ZMYM6: variants seen among roughly 807,000 people sequenced by gnomAD.
The protein encoded by ZMYM6 is zinc finger MYM-type containing 6, also known as zinc finger MYM-type protein 6.
ZMYM6 carries 90 observed loss-of-function variants against 134.0 expected under a neutral mutation model. The observed-to-expected ratio is 0.67, with a 90% CI of 0.57 to 0.80. The LOEUF (loss-of-function observed/expected upper bound fraction) is 0.80. Among genes scored for constraint, ZMYM6 ranks in the 30% least tolerant of loss-of-function variants. The probability of loss-of-function intolerance (pLI) is 0.00; values close to 1 mark genes in which losing one functional copy is unlikely to be tolerated. For synonymous variants in ZMYM6, 481 were observed against 524.1 expected (o/e 0.92, Z 1.12); for missense variants, 1,362 against 1,533.9 (o/e 0.89, Z 1.87).
At position 34,992,229 on chromosome 1, in the gene ZMYM6, C is replaced by T. The variant is rs766933306; in HGVS notation, c.2146+5G>A. The stretch of plus-strand genomic sequence containing the variant: ...TTGTACATGGGAACGCACAAGGATA[C>T]ATACCTGTCTGACATTCTTTGTGCT... On this transcript the variant is annotated splice_donor_5th_base_variant and intron_variant, in intron 15 of 15. Coordinates refer to ENST00000357182, the MANE Select transcript of ZMYM6 (RefSeq NM_007167.4). 1 of 1,613,886 alleles carries T rather than the reference C, an allele frequency of 6.2e-7. No homozygotes were observed. The highest frequency in any genetic ancestry group is 8.5e-7 in the Non-Finnish European group (1 of 1,179,850).
chr1:34,999,344 A>C (rs1011848630), intron 14 of ZMYM6, among the ~76,000 whole-genome samples: 3 of 152,202 alleles, frequency 2.0e-5, no homozygotes, highest in African/African-American at 7.2e-5. Flanking sequence ...GACTGGAATG[A>C]CCTAAGGAGA....
intron 2 of ZMYM6, among the ~76,000 whole-genome samples, chr1:35,024,956 C>T (rs1454337456): frequency 6.6e-6 from 1 of 152,052 alleles, no homozygotes. Flanking sequence ...GCAGCCTCCG[C>T]CTCCTGGGTT....
intron 14 of ZMYM6, among the ~76,000 whole-genome samples, chr1:34,995,858 T>C (rs1569747826): frequency 6.6e-6 from 1 of 152,312 alleles, no homozygotes; most frequent in Non-Finnish European, 1.5e-5. Flanking sequence ...AGCCTATTAT[T>C]ACCAAGATTC....
intron 11 of ZMYM6, 61 bp from the exon 12 acceptor site, chr1:35,007,159 T>C: frequency 3.3e-6 from 5 of 1,503,734 alleles, no homozygotes; most frequent in Non-Finnish European, 4.5e-6. Context: ...AAGATAACAT[T>C]AATCATAAAA....
chr1:34,992,840 C>T lies in ZMYM6; in HGVS notation c.1993-453G>A, dbSNP rs191041770. On this transcript the variant is annotated intron_variant, in intron 14 of 15. Coordinates refer to ENST00000357182, the MANE Select transcript of ZMYM6 (RefSeq NM_007167.4). ...TATAAACTATAAATATAAAAATATA[C>T]TTATAAACTATAAATATAAAAATAT... Among the ~76,000 whole-genome samples the T allele has an allele frequency of 8.0e-3, 902 of 113,296 alleles. 63 individuals are homozygous for T. Among genetic ancestry groups the T allele is most frequent in the African/African-American group, 0.055 (844 of 15,358 alleles). 74.3% of individuals were successfully genotyped at this position (113,296 alleles called of 152,430 possible). A position where few individuals can be genotyped will look rare whatever the true frequency, so the allele number is the denominator to read the frequency against.
At chr1:35,021,598 C>T (rs1316619186) in intron 2 of ZMYM6, among the ~76,000 whole-genome samples, 1 of 148,912 alleles carries the variant, frequency 6.7e-6, no homozygotes, top group Non-Finnish European at 1.5e-5. Flanking sequence ...CCAGCCTGGG[C>T]AACAGAGCGA....
At chr1:34,993,363 G>A (rs768548868) in intron 14 of ZMYM6, among the ~76,000 whole-genome samples, 2 of 151,848 alleles carry the variant, frequency 1.3e-5, no homozygotes, top group Non-Finnish European at 2.9e-5. Context: ...CGCCCACCTC[G>A]GCCTCCCAAA....
At chr1:34,994,927 CAT>C (rs113400005) in intron 14 of ZMYM6, among the ~76,000 whole-genome samples, 31,469 of 143,354 alleles carry the variant, frequency 0.22, 7,931 homozygotes, top group African/African-American at 0.62. Flanking sequence ...TATATATAGA[CAT>C]ATATATATAT....
intron 13 of ZMYM6, 75 bp from the exon 14 acceptor site, chr1:35,004,080 C>T: frequency 7.5e-7 from 1 of 1,340,416 alleles, no homozygotes; most frequent in East Asian, 2.4e-5. Context: ...AAGTTACTTT[C>T]CTCCCATTAA....
chr1:34,995,023 GTATATATATGTAATATATA>G (rs1640753108), intron 14 of ZMYM6, among the ~76,000 whole-genome samples: 1 of 103,644 alleles, frequency 9.6e-6, no homozygotes, highest in African/African-American at 1.2e-4. Context: ...ACTTACATAC[GTATATATATGTAATATATA>G]TACTTACATA....
chr1:34,987,492 A>G lies in ZMYM6; in HGVS notation c.3590T>C (p.Val1197Ala), dbSNP rs1248911703. The change falls in exon 16 of 16, where the codon GTG (valine) becomes GCG (alanine). Residue 1197 changes from valine (V) to alanine (A), a missense_variant. Coordinates refer to ENST00000357182, the MANE Select transcript of ZMYM6 (RefSeq NM_007167.4). The stretch of plus-strand genomic sequence containing the variant: ...TTCTGGTGGAAAACAGTCACTGAAC[A>G]CTTGAGAAAGTCCTTCCAGGTGCTC... ...IFEHLEGLSQ[V>A]FSDCFPPEQD... The G allele has an allele frequency of 6.2e-7, 1 of 1,613,282 alleles. No individual in the cohort carries two copies. Among genetic ancestry groups the G allele is most frequent in the Non-Finnish European group, 8.5e-7 (1 of 1,179,556 alleles).
At chr1:35,011,193 A>C (rs1391293116) in intron 8 of ZMYM6, among the ~76,000 whole-genome samples, 157 bp from the exon 9 acceptor site, 1 of 152,198 alleles carries the variant, frequency 6.6e-6, no homozygotes, top group African/African-American at 2.4e-5. Flanking sequence ...TTCCAGAATA[A>C]AAGGACTGAG....
chr1:35,028,303 GC>G (rs2148463458), intron 2 of ZMYM6, among the ~76,000 whole-genome samples: 1 of 147,642 alleles, frequency 6.8e-6, no homozygotes, highest in Non-Finnish European at 1.5e-5. Context: ...GAGTGACAGA[GC>G]AAGACTCCAT....
At chr1:34,995,605 C>T (rs573286454) in intron 14 of ZMYM6, among the ~76,000 whole-genome samples, 1 of 152,208 alleles carries the variant, frequency 6.6e-6, no homozygotes, top group Non-Finnish European at 1.5e-5. Context: ...GAGATGGCTA[C>T]TGACTAGTGA....
chr1:34,994,725 G>T lies in ZMYM6; in HGVS notation c.1993-2338C>A, dbSNP rs565804141. Among the ~76,000 whole-genome samples, 4 of 151,962 alleles carry T rather than the reference G, an allele frequency of 2.6e-5. No individual in the cohort carries two copies. In the South Asian group the frequency reaches 8.3e-4, roughly 32 times the overall value. On this transcript the variant is annotated intron_variant, in intron 14 of 15. Coordinates refer to ENST00000357182, the MANE Select transcript of ZMYM6 (RefSeq NM_007167.4). ...TTGCGTTGGTACAAAAATAATTGTG[G>T]TTTTTGCAATTAAAGTAATATACAC...
chr1:35,025,575 C>T (rs1335937349), intron 2 of ZMYM6, among the ~76,000 whole-genome samples: 3 of 151,598 alleles, frequency 2.0e-5, no homozygotes, highest in Non-Finnish European at 4.4e-5. Context: ...ATAAGATATG[C>T]TTAGCATAGC....
chr1:35,022,898 C>T (rs567777239), intron 2 of ZMYM6, among the ~76,000 whole-genome samples: 2 of 152,192 alleles, frequency 1.3e-5, no homozygotes, highest in Admixed American at 1.3e-4. Flanking sequence ...GTTCTAACAG[C>T]AGACAGAAAC....
intron 2 of ZMYM6, 37 bp downstream of exon 2, chr1:35,030,510 A>T (rs1394729324): frequency 1.9e-6 from 3 of 1,572,644 alleles, no homozygotes; most frequent in African/African-American, 1.4e-5. Flanking sequence ...AAAAGAAGGA[A>T]TTTTTTTAAA....
intron 14 of ZMYM6, among the ~76,000 whole-genome samples, chr1:35,000,723 T>A (rs1368624973): frequency 5.3e-5 from 8 of 152,126 alleles, no homozygotes; most frequent in Non-Finnish European, 1.0e-4. Flanking sequence ...CATTTAATAT[T>A]AAATATTAAA....
Sources: gnomAD v4.1 joint callset for allele counts (sites outside exome capture counted in the v4.1 genomes callset) on GRCh38, gnomAD v4.1.1 for gene constraint, MANE v1.5 for transcripts, NCBI Gene and HGNC (gene_info 2026-07-23, HGNC 2026-07-21) for gene names.